The following ERP27 variants were observed in gnomAD, a reference collection of about 807,000 sequenced individuals.
ERP27 encodes the protein endoplasmic reticulum protein 27.
In ERP27, 23 loss-of-function variants were observed where a neutral mutation model predicts 27.7. The ratio of observed to expected loss-of-function variants is 0.83; its 90% CI spans 0.60 to 1.18. The LOEUF is 1.18. ERP27 is among the 50% of genes most tolerant of loss of function. The pLI, the probability that ERP27 is intolerant of heterozygous loss-of-function variation, is 0.00. For synonymous variants in ERP27, 159 were observed against 118.3 expected, an observed-to-expected ratio of 1.34 and a Z score of -2.23; for missense variants, 363 against 327.9, an observed-to-expected ratio of 1.11 and a Z score of -0.83.
chr12:14,926,908 C>T (rs1863610961), intron 3 of ERP27, among the ~76,000 whole-genome samples: 1 of 151,982 alleles, frequency 6.6e-6, no homozygotes, highest in Admixed American at 6.6e-5. Flanking sequence ...GTTTTCTTTC[C>T]TCTGCTTAGA....
chr12:14,931,079 A>G (rs188882781), intron 3 of ERP27, among the ~76,000 whole-genome samples: 1 of 152,356 alleles, frequency 6.6e-6, no homozygotes, highest in African/African-American at 2.4e-5. Flanking sequence ...ATTTGTAGAC[A>G]GCAATGCTGG....
intron 3 of ERP27, among the ~76,000 whole-genome samples, chr12:14,930,713 T>C (rs1016015870): frequency 6.6e-6 from 1 of 152,266 alleles, no homozygotes; most frequent in African/African-American, 2.4e-5. Flanking sequence ...TTATGTTGCA[T>C]AAATACAGCA....
chr12:14,937,944 G>A lies in ERP27; in HGVS notation c.195+8C>T, dbSNP rs778748969. On this transcript the variant is annotated splice_region_variant and intron_variant, in intron 2 of 6. Transcript: ENST00000266397. ...GGCTCTTGGGGGAATTGCAAGTAGG[G>A]AACTAACCTGGAAGAAGCCTATGAC... 4 of 1,612,426 alleles carry A rather than the reference G, an allele frequency of 2.5e-6. No individual in the cohort carries two copies. Among genetic ancestry groups the A allele is most frequent in the Non-Finnish European group, 3.4e-6 (4 of 1,178,734 alleles).
intron 3 of ERP27, among the ~76,000 whole-genome samples, chr12:14,921,634 A>T (rs1863505653): frequency 6.6e-6 from 1 of 152,246 alleles, no homozygotes; most frequent in South Asian, 2.1e-4. Flanking sequence ...AATAAAACAC[A>T]TGTAGAGAAA....
At chr12:14,937,640 G>A (rs550984495) in intron 2 of ERP27, among the ~76,000 whole-genome samples, 1 of 152,188 alleles carries the variant, frequency 6.6e-6, no homozygotes, top group Non-Finnish European at 1.5e-5. Flanking sequence ...AATGTGTTTA[G>A]GACAATGGTG....
intron 3 of ERP27, among the ~76,000 whole-genome samples, chr12:14,923,538 T>TCTATCTATCTA (rs71038644): frequency 6.6e-6 from 1 of 151,524 alleles, no homozygotes; most frequent in Non-Finnish European, 1.5e-5. Context: ...TATCTATCTA[T>TCTATCTATCTA]ATTACCTATC....
intron 2 of ERP27, among the ~76,000 whole-genome samples, chr12:14,935,742 T>C (rs1337874885): frequency 6.6e-6 from 1 of 152,176 alleles, no homozygotes; most frequent in Non-Finnish European, 1.5e-5. Context: ...TGTTTATTTA[T>C]TTTGACACAG....
chr12:14,914,791 C>T lies in ERP27; in HGVS notation c.775-9G>A, dbSNP rs1863383120. 1.2e-6 allele frequency: 2 copies of T among 1,610,324 alleles called. No individual in the cohort carries two copies. Among genetic ancestry groups the T allele is most frequent in the Admixed American group, 1.7e-5 (1 of 59,850 alleles). Reference sequence around the variant, plus strand: ...GATTCACGATTTTCTTTCTGGAAAACATTATAACAATGATATTTAGATTAG... The same window carrying T: ...GATTCACGATTTTCTTTCTGGAAAATATTATAACAATGATATTTAGATTAG... On this transcript the variant is annotated splice_polypyrimidine_tract_variant and intron_variant, in intron 6 of 6. Coordinates refer to ENST00000266397, the MANE Select transcript of ERP27 (RefSeq NM_152321.4).
intron 3 of ERP27, among the ~76,000 whole-genome samples, chr12:14,924,344 C>T (rs542561790): frequency 2.0e-5 from 3 of 152,258 alleles, no homozygotes; most frequent in Non-Finnish European, 4.4e-5. Context: ...CATGGGAGTG[C>T]AGATATCTCC....
chr12:14,917,602 T>G (rs1863432123), intron 4 of ERP27, among the ~76,000 whole-genome samples: 1 of 152,198 alleles, frequency 6.6e-6, no homozygotes, highest in South Asian at 2.1e-4. Context: ...TCTGCTCTTC[T>G]CTCTATCTCT....
At position 14,914,536 on chromosome 12, in the gene ERP27, T is replaced by C. The variant is rs886813134; in HGVS notation, c.*199A>G. 1.1e-5 allele frequency: 6 copies of C among 522,920 alleles called. No individual in the cohort carries two copies. The highest frequency in any genetic ancestry group is 1.7e-5 in the Non-Finnish European group (5 of 297,224). 32.4% of individuals were successfully genotyped at this position (522,920 alleles called of 1,614,324 possible). A position where few individuals can be genotyped will look rare whatever the true frequency, so the allele number is the denominator to read the frequency against. ...AAAGAAGGAAGAAGAGAAAACGAGA[T>C]TTTAAGACAGGAAATGAAGCTCTGT... On this transcript the variant is annotated 3_prime_UTR_variant, in exon 7 of 7. Transcript: ENST00000266397.
At chr12:14,923,643 A>G (rs2120576386) in intron 3 of ERP27, among the ~76,000 whole-genome samples, 1 of 152,124 alleles carries the variant, frequency 6.6e-6, no homozygotes, top group East Asian at 1.9e-4. Context: ...TTTTACTGCT[A>G]TTATTGTTAT....
At chr12:14,925,094 T>C (rs983409121) in intron 3 of ERP27, among the ~76,000 whole-genome samples, 10 of 152,244 alleles carry the variant, frequency 6.6e-5, no homozygotes, top group African/African-American at 2.2e-4. Flanking sequence ...CTGTTCTGCC[T>C]GTGGTGTAGC....
At chr12:14,917,833 C>T (rs796216409) in intron 4 of ERP27, among the ~76,000 whole-genome samples, 7 of 152,312 alleles carry the variant, frequency 4.6e-5, no homozygotes, top group South Asian at 2.1e-4. Context: ...ACCAGAAGCA[C>T]CTAGCCCTAG....
intron 4 of ERP27, among the ~76,000 whole-genome samples, 166 bp from the exon 5 acceptor site, chr12:14,917,469 T>G (rs1003712374): frequency 2.0e-5 from 3 of 152,210 alleles, no homozygotes; most frequent in South Asian, 2.1e-4. Flanking sequence ...CCATCTCGTT[T>G]TCATGCAACT....
intron 4 of ERP27, among the ~76,000 whole-genome samples, chr12:14,919,492 C>T (rs1418606905): frequency 1.3e-5 from 2 of 152,120 alleles, no homozygotes; most frequent in Non-Finnish European, 2.9e-5. Flanking sequence ...TTGATTATTA[C>T]TGCCAATACC....
chr12:14,931,252 A>G (rs1429427035), intron 3 of ERP27, among the ~76,000 whole-genome samples: 1 of 151,932 alleles, frequency 6.6e-6, no homozygotes, highest in Non-Finnish European at 1.5e-5. Context: ...CCTATCATAG[A>G]TTAGGCTCTG....
intron 5 of ERP27, chr12:14,915,937 A>G (rs1863403935): frequency 3.2e-6 from 1 of 315,038 alleles, no homozygotes; most frequent in Non-Finnish European, 6.0e-6. Context: ...CAAATATCAC[A>G]TGTTCCCACT....
At chr12:14,925,223 C>T (rs1863582637) in intron 3 of ERP27, among the ~76,000 whole-genome samples, 1 of 152,146 alleles carries the variant, frequency 6.6e-6, no homozygotes, top group Non-Finnish European at 1.5e-5. Context: ...GATCAGGACC[C>T]CTTTTCACTA....
Sources: allele counts gnomAD v4.1 joint callset (sites outside exome capture counted in the v4.1 genomes callset), GRCh38; gene constraint gnomAD v4.1.1; transcripts MANE v1.5; gene names NCBI Gene and HGNC (gene_info 2026-07-23, HGNC 2026-07-21).